PKD2: variants seen among roughly 807,000 people sequenced by gnomAD.
PKD2 encodes polycystin-2.
PKD2 carries 48 observed loss-of-function variants against 105.9 expected under a neutral mutation model. That is an observed-to-expected ratio of 0.45 (90% confidence interval 0.36 to 0.58). The LOEUF (loss-of-function observed/expected upper bound fraction) is 0.58. PKD2 is among the 20% of genes least tolerant of loss of function. The pLI, the probability that PKD2 is intolerant of heterozygous loss-of-function variation, is 0.00. For missense variants in PKD2, 1,078 were observed against 1,255.3 expected, an observed-to-expected ratio of 0.86 and a Z score of 2.13; for synonymous variants, 464 against 481.1, an observed-to-expected ratio of 0.96 and a Z score of 0.46.
chr4:88,030,076 T>C (rs1045731931), intron 2 of PKD2, among the ~76,000 whole-genome samples: 3 of 152,234 alleles, frequency 2.0e-5, no homozygotes, highest in Non-Finnish European at 4.4e-5. Context: ...CTACTCTCCC[T>C]GTGTCTGGAC....
At chr4:88,025,384 C>T (rs1726918484) in intron 2 of PKD2, among the ~76,000 whole-genome samples, 1 of 151,954 alleles carries the variant, frequency 6.6e-6, no homozygotes, top group African/African-American at 2.4e-5. Flanking sequence ...CTTGAGGCTG[C>T]AGTGAGCTAT....
chr4:88,053,771 GTAA>G (rs1720203734), intron 7 of PKD2, among the ~76,000 whole-genome samples: 2 of 151,926 alleles, frequency 1.3e-5, no homozygotes, highest in South Asian at 4.2e-4. Flanking sequence ...TCATAACATA[GTAA>G]TAATAATCAA....
chr4:88,030,374 C>T (rs916084151), intron 2 of PKD2, among the ~76,000 whole-genome samples: 53 of 152,186 alleles, frequency 3.5e-4, no homozygotes, highest in Middle Eastern at 3.4e-3. Context: ...TGGGCTCAAG[C>T]GATCCTCCTG....
chr4:88,011,659 C>G (rs939721680), intron 1 of PKD2, among the ~76,000 whole-genome samples: 5 of 151,980 alleles, frequency 3.3e-5, no homozygotes, highest in African/African-American at 9.7e-5. Context: ...CTTTCGATGT[C>G]TAAAGGGAAG....
At chr4:88,065,534 C>T (rs756061522) in intron 11 of PKD2, 39 bp downstream of exon 11, 2 of 1,600,536 alleles carry the variant, frequency 1.2e-6, no homozygotes, top group South Asian at 2.2e-5. Context: ...AAAATTCCTG[C>T]TTCTAAAGAT....
At chr4:88,016,434 A>G (rs1172791962) in intron 1 of PKD2, among the ~76,000 whole-genome samples, 1 of 152,202 alleles carries the variant, frequency 6.6e-6, no homozygotes, top group Non-Finnish European at 1.5e-5. Context: ...ACCAATTTGC[A>G]CATGATTCCA....
chr4:88,065,066 C>G (rs999584815), intron 10 of PKD2, among the ~76,000 whole-genome samples: 1 of 152,152 alleles, frequency 6.6e-6, no homozygotes, highest in Non-Finnish European at 1.5e-5. Context: ...GTACTTTATG[C>G]TCTGAGGCAG....
rs1487566897 is a variant in PKD2, at chr4:88,048,188, G to A, written c.1548+1318G>A. ...CTTTCCTTCCCACTGTCCTATGATA[G>A]CCATTACCTTCTGAAATCTCAGTAA... On this transcript the variant is annotated intron_variant, in intron 6 of 14. Coordinates refer to ENST00000237596, the MANE Select transcript of PKD2 (RefSeq NM_000297.4). Among the ~76,000 whole-genome samples, 4 of 152,242 alleles carry A rather than the reference G, an allele frequency of 2.6e-5. No homozygotes were observed. In the South Asian group the frequency reaches 8.3e-4, roughly 32 times the overall value.
intron 6 of PKD2, among the ~76,000 whole-genome samples, chr4:88,050,477 C>G (rs1367180542): frequency 6.6e-6 from 1 of 152,112 alleles, no homozygotes; most frequent in African/African-American, 2.4e-5. Flanking sequence ...CAAATGCTCA[C>G]AAAATCTCTT....
At chr4:88,033,268 A>T (rs1274797947) in intron 2 of PKD2, among the ~76,000 whole-genome samples, 2 of 152,038 alleles carry the variant, frequency 1.3e-5, no homozygotes, top group Non-Finnish European at 2.9e-5. Context: ...CTCTACAAAA[A>T]ATTTGAAAAT....
chr4:88,052,475 G>C (rs1193758801), intron 7 of PKD2, among the ~76,000 whole-genome samples: 5 of 152,060 alleles, frequency 3.3e-5, no homozygotes, highest in African/African-American at 4.8e-5. Flanking sequence ...TCATTATGTT[G>C]CCCAGGCTGG....
chr4:88,054,755 C>T (rs1029276322), intron 7 of PKD2, among the ~76,000 whole-genome samples: 8 of 149,736 alleles, frequency 5.3e-5, no homozygotes, highest in African/African-American at 1.5e-4. Flanking sequence ...CCTGGGTTCA[C>T]GCCATTCTCC....
intron 2 of PKD2, among the ~76,000 whole-genome samples, chr4:88,029,916 A>G (rs115199750): frequency 0.021 from 3,230 of 152,270 alleles, 114 homozygotes; most frequent in African/African-American, 0.074. Context: ...TCAAATGAAG[A>G]TGGAAAGGTG....
At chr4:88,015,321 C>T (rs140622647) in intron 1 of PKD2, among the ~76,000 whole-genome samples, 4 of 152,072 alleles carry the variant, frequency 2.6e-5, no homozygotes, top group African/African-American at 9.7e-5. Context: ...CTAGGATTGG[C>T]ATTGAGTTGA....
chr4:88,057,329 C>T (rs1223349681), intron 8 of PKD2, among the ~76,000 whole-genome samples: 1 of 151,458 alleles, frequency 6.6e-6, no homozygotes, highest in Non-Finnish European at 1.5e-5. Flanking sequence ...AACTTTAGAC[C>T]GAGGGTGACT....
chr4:88,029,947 T>C (rs758530976), intron 2 of PKD2, among the ~76,000 whole-genome samples: 2 of 152,132 alleles, frequency 1.3e-5, no homozygotes, highest in African/African-American at 2.4e-5. Flanking sequence ...AGACCTGTAG[T>C]TTTGGTGGGC....
rs973515982 is a variant in PKD2, at chr4:88,008,271, C to T, written c.538C>T (p.Leu180=). 1.1e-4 allele frequency: 169 copies of T among 1,475,472 alleles called. No homozygotes were observed. Among genetic ancestry groups the T allele is most frequent in the Non-Finnish European group, 1.4e-4 (160 of 1,118,584 alleles). The allele number at this position is 1,475,472 out of a possible 1,614,324, so 91.4% of individuals were successfully genotyped here. ...GGDPLHRHLP[L]EGQPPRVAWA... ...GGACCCGCTGCATCGCCACCTCCCC[C>T]TGGAAGGGCAGCCGCCCCGAGTGGC... is the stretch of plus-strand genomic sequence containing the variant. Residue 180 remains leucine (L), a synonymous_variant, in exon 1 of 15, where the codon CTG becomes TTG. Coordinates refer to ENST00000237596, the MANE Select transcript of PKD2 (RefSeq NM_000297.4).
intron 7 of PKD2, among the ~76,000 whole-genome samples, chr4:88,055,576 C>G (rs552160618): frequency 6.6e-6 from 1 of 151,258 alleles, no homozygotes; most frequent in Non-Finnish European, 1.5e-5. Flanking sequence ...TGGGCTCAAG[C>G]GATCCTCCTG....
At chr4:88,018,463 A>AGACCTT (rs1726635892) in intron 1 of PKD2, among the ~76,000 whole-genome samples, 2 of 152,238 alleles carry the variant, frequency 1.3e-5, no homozygotes, top group Non-Finnish European at 2.9e-5. Flanking sequence ...GTGGAATCAA[A>AGACCTT]GCATGAGACA....
Sources: gnomAD v4.1 joint callset for allele counts (sites outside exome capture counted in the v4.1 genomes callset) on GRCh38, gnomAD v4.1.1 for gene constraint, MANE v1.5 for transcripts, NCBI Gene and HGNC (gene_info 2026-07-23, HGNC 2026-07-21) for gene names.